ORMDL1: variants seen among roughly 807,000 people sequenced by gnomAD.
ORMDL1 encodes the protein ORM1-like protein 1.
A neutral mutation model predicts 13.0 loss-of-function variants in ORMDL1; 10 were observed. The observed-to-expected ratio is 0.77, with a 90% CI of 0.47 to 1.30. The LOEUF is 1.30. ORMDL1 is among the 50% of genes most tolerant of loss of function. The pLI, the probability that ORMDL1 is intolerant of heterozygous loss-of-function variation, is 0.00. For missense variants in ORMDL1, 171 were observed against 186.7 expected (o/e 0.92, Z 0.49); for synonymous variants, 61 against 63.9 (o/e 0.95, Z 0.22).
chr2:189,773,396 T>A (rs1469577105), intron 4 of ORMDL1, among the ~76,000 whole-genome samples: 1 of 152,132 alleles, frequency 6.6e-6, no homozygotes, highest in Non-Finnish European at 1.5e-5. Context: ...AGGTGCAAGA[T>A]CTTCAACAAG....
chr2:189,770,812 C>T lies in ORMDL1; in HGVS notation c.*955G>A, dbSNP rs1348380996. ...AGAAAATGTTATCTTTTACTGCAGA[C>T]CTGCCAAAAAAAAGACTCCATTACT... On this transcript the variant is annotated 3_prime_UTR_variant, in exon 5 of 5. Transcript: ENST00000392349. 6.6e-6 allele frequency: 1 copy of T among 152,000 alleles called. No individual in the cohort carries two copies. The highest frequency in any genetic ancestry group is 1.5e-5 in the Non-Finnish European group (1 of 67,976). The allele number at this position is 152,000 out of a possible 1,614,324, so 9.4% of individuals were successfully genotyped here.
At chr2:189,778,233 A>G (rs2047742450) in intron 3 of ORMDL1, 1 of 394,966 alleles carries the variant, frequency 2.5e-6, no homozygotes, top group South Asian at 1.9e-5. Context: ...TGTCTGTACT[A>G]AAAATACAAA....
At chr2:189,778,704 G>A (rs1342758271) in intron 3 of ORMDL1, among the ~76,000 whole-genome samples, 3 of 152,070 alleles carry the variant, frequency 2.0e-5, no homozygotes, top group South Asian at 2.1e-4. Context: ...AGTCCAGCCC[G>A]GCCAACATGT....
chr2:189,778,237 A>C (rs1207214975), intron 3 of ORMDL1: 1 of 395,394 alleles, frequency 2.5e-6, no homozygotes, highest in African/African-American at 2.1e-5. Context: ...TGTACTAAAA[A>C]TACAAAAATT....
chr2:189,775,664 T>G lies in ORMDL1; in HGVS notation c.227A>C (p.Asp76Ala), dbSNP rs1337466620. The change falls in exon 4 of 5, where the codon GAC becomes GCC. Residue 76 changes from aspartate (D) to alanine (A), a missense_variant. Asp to Ala is a moderately radical substitution (Grantham distance 126). Transcript: ENST00000392349. ...AGTTAGGAGCCTTGCTTTACCCTGGTCAGGAGTTTCGAAAGGTGTTCCTTT... is the reference window on the plus strand; with the variant it reads ...AGTTAGGAGCCTTGCTTTACCCTGGGCAGGAGTTTCGAAAGGTGTTCCTTT... ...AVKGTPFETP[D>A]QGKARLLTHW... 5 of 1,613,876 alleles carry G rather than the reference T, an allele frequency of 3.1e-6. No homozygotes were observed. The highest frequency in any genetic ancestry group is 4.2e-6 in the Non-Finnish European group (5 of 1,179,900).
intron 3 of ORMDL1, among the ~76,000 whole-genome samples, chr2:189,777,038 T>C (rs2047712231): frequency 6.6e-6 from 1 of 152,210 alleles, no homozygotes; most frequent in Admixed American, 6.5e-5. Flanking sequence ...CATTACCTCA[T>C]TCTTAAAGGT....
chr2:189,777,507 G>GAATATCA (rs1165591698), intron 3 of ORMDL1, among the ~76,000 whole-genome samples: 4 of 152,040 alleles, frequency 2.6e-5, no homozygotes, highest in Admixed American at 6.6e-5. Flanking sequence ...CTAGTGTTTA[G>GAATATCA]AATATCAAAA....
chr2:189,772,461 A>G (rs148356684), intron 4 of ORMDL1, among the ~76,000 whole-genome samples: 1 of 152,326 alleles, frequency 6.6e-6, no homozygotes, highest in East Asian at 1.9e-4. Flanking sequence ...CCTGAAAGAC[A>G]CTGTTGTACC....
At chr2:189,767,154 T>C (rs1216214169), downstream of ORMDL1, among the ~76,000 whole-genome samples, 1 of 152,244 alleles carries the variant, frequency 6.6e-6, no homozygotes, top group Non-Finnish European at 1.5e-5. Flanking sequence ...ATTTTAATTT[T>C]TGAGGAATCT....
intron 3 of ORMDL1, among the ~76,000 whole-genome samples, chr2:189,776,869 G>C (rs1457961102): frequency 1.3e-5 from 2 of 151,754 alleles, no homozygotes; most frequent in African/African-American, 4.9e-5. Context: ...CCCAAGCCTT[G>C]GAAAAATTCA....
At chr2:189,764,427 G>A in the ORMDL1 span, 14 of 152,190 alleles carry the variant, frequency 9.2e-5, no homozygotes, top group African/African-American at 3.1e-4. Context: ...GGCCAGTGTT[G>A]AGTCCGAATG....
downstream of ORMDL1, among the ~76,000 whole-genome samples, chr2:189,766,724 C>CA (rs58840698): frequency 5.5e-5 from 8 of 146,480 alleles, no homozygotes; most frequent in South Asian, 2.2e-4. Flanking sequence ...ACTCCCGTCT[C>CA]AAAAAAAAAA....
At chr2:189,776,585 A>AT (rs2047702275) in intron 3 of ORMDL1, among the ~76,000 whole-genome samples, 1 of 152,090 alleles carries the variant, frequency 6.6e-6, no homozygotes, top group Admixed American at 6.6e-5. Context: ...ATGTGATGTC[A>AT]TTTTTCCTAC....
At chr2:189,776,416 GA>G (rs944665121) in intron 3 of ORMDL1, among the ~76,000 whole-genome samples, 2 of 151,884 alleles carry the variant, frequency 1.3e-5, no homozygotes, top group African/African-American at 2.4e-5. Context: ...CAATAGGGTA[GA>G]AAAAAACCAA....
At chr2:189,767,758 T>C (rs912894370), downstream of ORMDL1, among the ~76,000 whole-genome samples, 6 of 152,200 alleles carry the variant, frequency 3.9e-5, no homozygotes, top group Admixed American at 2.0e-4. Flanking sequence ...CCCATAACCA[T>C]TGTTTATCAA....
At chr2:189,768,074 C>CT (rs1317304744), downstream of ORMDL1, among the ~76,000 whole-genome samples, 8 of 152,268 alleles carry the variant, frequency 5.3e-5, 1 homozygote, top group African/African-American at 1.9e-4. Context: ...ATCACTGGAT[C>CT]TTTTTTACCT....
intron 4 of ORMDL1, among the ~76,000 whole-genome samples, chr2:189,773,553 C>G (rs959847088): frequency 1.3e-5 from 2 of 151,992 alleles, no homozygotes; most frequent in Non-Finnish European, 2.9e-5. Context: ...GAAACCCCAT[C>G]TCTACTAAAA....
At chr2:189,768,731 G>A (rs1203988533), downstream of ORMDL1, among the ~76,000 whole-genome samples, 1 of 152,030 alleles carries the variant, frequency 6.6e-6, no homozygotes, top group Non-Finnish European at 1.5e-5. Context: ...CCAGAACAGG[G>A]GAAGTGGTAC....
chr2:189,781,137 G>C (rs1232133017), intron 3 of ORMDL1, among the ~76,000 whole-genome samples: 2 of 152,014 alleles, frequency 1.3e-5, no homozygotes, highest in Admixed American at 1.3e-4. Flanking sequence ...TGCCCAGGCT[G>C]GTCTTGAAAT....
Sources: allele counts gnomAD v4.1 joint callset (sites outside exome capture counted in the v4.1 genomes callset), GRCh38; gene constraint gnomAD v4.1.1; transcripts MANE v1.5; gene names NCBI Gene and HGNC (gene_info 2026-07-23, HGNC 2026-07-21).